Variants in IKZF1 observed in about 807,000 individuals in gnomAD.
The protein encoded by IKZF1 is IKAROS family zinc finger 1.
In IKZF1, 10 loss-of-function variants were observed where a neutral mutation model predicts 51.7. The observed-to-expected ratio is 0.19, with a 90% CI of 0.12 to 0.33. The LOEUF (loss-of-function observed/expected upper bound fraction) is 0.33, where lower values mean the gene tolerates loss of function less well. IKZF1 is among the 10% of genes least tolerant of loss of function. The probability of loss-of-function intolerance (pLI) is 1.00; values close to 1 mark genes in which losing one functional copy is unlikely to be tolerated. For synonymous variants in IKZF1, 280 were observed against 282.3 expected (o/e 0.99, Z 0.08); for missense variants, 484 against 707.5 (o/e 0.68, Z 3.58).
intron 3 of IKZF1, among the ~76,000 whole-genome samples, chr7:50,349,807 T>C (rs1801364334): frequency 6.6e-6 from 1 of 152,152 alleles, no homozygotes. Context: ...GAAAACCCTG[T>C]CACATTGAGG....
chr7:50,324,792 G>A (rs1296466041), intron 2 of IKZF1, among the ~76,000 whole-genome samples: 1 of 152,134 alleles, frequency 6.6e-6, no homozygotes, highest in Non-Finnish European at 1.5e-5. Context: ...GAGTTATTTG[G>A]ATGTATTTTA....
At chr7:50,346,909 G>A (rs778188883) in intron 3 of IKZF1, among the ~76,000 whole-genome samples, 8 of 152,148 alleles carry the variant, frequency 5.3e-5, no homozygotes, top group Non-Finnish European at 1.2e-4. Context: ...CCTCCTAATG[G>A]GGCACATGTG....
intron 3 of IKZF1, among the ~76,000 whole-genome samples, chr7:50,367,266 A>G (rs944609294): frequency 6.6e-6 from 1 of 152,196 alleles, no homozygotes; most frequent in Non-Finnish European, 1.5e-5. Flanking sequence ...TACACTGTGT[A>G]CGTCACTTTA....
chr7:50,342,038 C>T (rs1173601189), intron 3 of IKZF1, among the ~76,000 whole-genome samples: 1 of 151,870 alleles, frequency 6.6e-6, no homozygotes, highest in African/African-American at 2.4e-5. Context: ...AGTCATTTAT[C>T]AACTCTCTAA....
intron 3 of IKZF1, among the ~76,000 whole-genome samples, chr7:50,349,383 G>A (rs1399822330): frequency 6.6e-6 from 1 of 152,188 alleles, no homozygotes; most frequent in African/African-American, 2.4e-5. Flanking sequence ...TAAGCAAGGA[G>A]AGAAAACAGT....
At chr7:50,319,355 C>A (rs567396994) in intron 2 of IKZF1, among the ~76,000 whole-genome samples, 31 of 151,938 alleles carry the variant, frequency 2.0e-4, no homozygotes, top group Non-Finnish European at 3.7e-4. Context: ...GAGTTAAATA[C>A]ATTTTTGTAC....
intron 3 of IKZF1, among the ~76,000 whole-genome samples, chr7:50,352,895 C>A (rs1329101710): frequency 6.6e-6 from 1 of 152,238 alleles, no homozygotes; most frequent in African/African-American, 2.4e-5. Flanking sequence ...CTTATCCTTG[C>A]ATAAGGTAAG....
chr7:50,322,920 G>A (rs1249630176), intron 2 of IKZF1, among the ~76,000 whole-genome samples: 1 of 152,108 alleles, frequency 6.6e-6, no homozygotes, highest in Admixed American at 6.5e-5. Context: ...TTGGATATTG[G>A]TTTAATGCTA....
chr7:50,350,480 A>G (rs1181677623), intron 3 of IKZF1, among the ~76,000 whole-genome samples: 1 of 152,106 alleles, frequency 6.6e-6, no homozygotes, highest in East Asian at 1.9e-4. Context: ...CTCCCCACTG[A>G]TTTTGAAAGA....
chr7:50,318,503 C>G (rs1228822202), intron 1 of IKZF1: 10 of 226,890 alleles, frequency 4.4e-5, no homozygotes, highest in Non-Finnish European at 8.8e-5. Context: ...ATCTGCCAGG[C>G]TGGAGGTGTA....
At position 50,388,049 on chromosome 7, in the gene IKZF1, A is replaced by C. The variant is rs1188789053; in HGVS notation, c.715+579A>C. 2.0e-5 allele frequency among the ~76,000 whole-genome samples: 3 copies of C among 152,136 alleles called. No individual in the cohort carries two copies. In the East Asian group the frequency reaches 5.8e-4, roughly 29 times the overall value. ...GGTCGCTTCTTTCTTAGGAGCTGTG[A>C]TGCTCCACTGTATTGCATAACGAGA... On this transcript the variant is annotated intron_variant, in intron 6 of 7. Coordinates refer to ENST00000331340, the MANE Select transcript of IKZF1 (RefSeq NM_006060.6).
At chr7:50,345,294 T>A (rs1348875796) in intron 3 of IKZF1, among the ~76,000 whole-genome samples, 2 of 152,240 alleles carry the variant, frequency 1.3e-5, no homozygotes, top group Non-Finnish European at 2.9e-5. Flanking sequence ...ATCTGCAGGC[T>A]TATTAACATA....
At chr7:50,319,727 T>C (rs192102914) in intron 2 of IKZF1, among the ~76,000 whole-genome samples, 1 of 152,230 alleles carries the variant, frequency 6.6e-6, no homozygotes, top group African/African-American at 2.4e-5. Context: ...TATCTGGCCC[T>C]GTATCCAGAG....
chr7:50,367,493 T>C (rs1807283131), intron 3 of IKZF1, among the ~76,000 whole-genome samples: 1 of 152,224 alleles, frequency 6.6e-6, no homozygotes, highest in Admixed American at 6.5e-5. Context: ...GGTAGCTCTT[T>C]TGTTGGTTGG....
chr7:50,367,983 T>A (rs1417878571), intron 3 of IKZF1: 4 of 666,558 alleles, frequency 6.0e-6, no homozygotes, highest in African/African-American at 1.8e-5. Flanking sequence ...AACCCAGCTT[T>A]CTTTTTGCCT....
chr7:50,345,191 A>G (rs748542429), intron 3 of IKZF1, among the ~76,000 whole-genome samples: 3 of 152,166 alleles, frequency 2.0e-5, no homozygotes, highest in Admixed American at 6.5e-5. Flanking sequence ...AATTATTAGT[A>G]CATCCCACAG....
At position 50,346,319 on chromosome 7, in the gene IKZF1, A is replaced by G. The variant is rs142604624; in HGVS notation, c.160+18562A>G. Among the ~76,000 whole-genome samples the G allele has an allele frequency of 4.8e-3, 727 of 152,340 alleles. 5 individuals are homozygous for G. The highest frequency in any genetic ancestry group is 0.016 in the African/African-American group (665 of 41,566). ...CGCCTATTGAGAACCCTCAGGAGGC[A>G]GCCCACTTACGGAAGCACTGATTGT... On this transcript the variant is annotated intron_variant, in intron 3 of 7. Transcript: ENST00000331340.
chr7:50,380,662 G>C (rs934653143), intron 4 of IKZF1, among the ~76,000 whole-genome samples: 2 of 152,208 alleles, frequency 1.3e-5, no homozygotes, highest in African/African-American at 4.8e-5. Context: ...GAGAGCTGTA[G>C]TTGGAGGCAC....
intron 4 of IKZF1, among the ~76,000 whole-genome samples, chr7:50,380,337 C>T (rs55875212): frequency 0.062 from 9,513 of 152,270 alleles, 362 homozygotes; most frequent in South Asian, 0.14. Flanking sequence ...AACCCCTGCC[C>T]GCCTGCCTGC....
Sources: allele counts gnomAD v4.1 joint callset (sites outside exome capture counted in the v4.1 genomes callset), GRCh38; gene constraint gnomAD v4.1.1; transcripts MANE v1.5; gene names NCBI Gene and HGNC (gene_info 2026-07-23, HGNC 2026-07-21).